The following PKN2 variants were observed in gnomAD, a reference collection of about 807,000 sequenced individuals.
The protein encoded by PKN2 is serine/threonine-protein kinase N2.
Under a neutral mutation model 119.1 loss-of-function variants are expected in PKN2, and 38 were observed. The ratio of observed to expected loss-of-function variants is 0.32; its 90% confidence interval spans 0.25 to 0.42. PKN2 has a LOEUF of 0.42. PKN2 is among the 10% of genes least tolerant of loss of function. The probability of loss-of-function intolerance (pLI) is 1.00; values close to 1 mark genes in which losing one functional copy is unlikely to be tolerated. For missense variants in PKN2, 850 were observed against 1,165.1 expected (o/e 0.73, Z 3.94); for synonymous variants, 390 against 384.9 (o/e 1.01, Z -0.15).
At position 88,827,966 on chromosome 1, in the gene PKN2, C is replaced by A. The variant is rs189589755; in HGVS notation, c.2420-515C>A. Among the ~76,000 whole-genome samples, 235 of 152,102 alleles carry A rather than the reference C, an allele frequency of 1.5e-3. 1 individual carries two copies. Among genetic ancestry groups the A allele is most frequent in the Admixed American group, 4.3e-3 (65 of 15,272 alleles). On this transcript the variant is annotated intron_variant, in intron 18 of 21. Coordinates refer to ENST00000370521, the MANE Select transcript of PKN2 (RefSeq NM_006256.4). The stretch of plus-strand genomic sequence containing the variant: ...TCTTGAACTCCTGACCTCAGGTGAT[C>A]CACCCGCCTCGGCCTCCCAAAGTGC...
intron 1 of PKN2, among the ~76,000 whole-genome samples, chr1:88,733,801 G>A (rs1668235817): frequency 6.6e-6 from 1 of 152,160 alleles, no homozygotes; most frequent in Admixed American, 6.5e-5. Flanking sequence ...CTTAGTGGTT[G>A]AGCATTCCAA....
At chr1:88,776,513 G>A (rs1670112142) in intron 6 of PKN2, among the ~76,000 whole-genome samples, 1 of 151,956 alleles carries the variant, frequency 6.6e-6, no homozygotes, top group Non-Finnish European at 1.5e-5. Flanking sequence ...GCCGAGACGG[G>A]TGGATCACTT....
At chr1:88,775,825 G>T (rs1218914637) in intron 6 of PKN2, among the ~76,000 whole-genome samples, 2 of 152,112 alleles carry the variant, frequency 1.3e-5, no homozygotes. Flanking sequence ...TTGGCTTCTG[G>T]CCAGGCGCAG....
chr1:88,690,121 T>G (rs1314682156), intron 1 of PKN2, among the ~76,000 whole-genome samples: 1 of 152,234 alleles, frequency 6.6e-6, no homozygotes, highest in Non-Finnish European at 1.5e-5. Context: ...TCTAGTATCA[T>G]GCAATTCCTA....
At chr1:88,792,806 T>G (rs1670900901) in intron 8 of PKN2, among the ~76,000 whole-genome samples, 1 of 152,192 alleles carries the variant, frequency 6.6e-6, no homozygotes, top group Non-Finnish European at 1.5e-5. Flanking sequence ...TATCAAGCAG[T>G]TCAACTTGTT....
In PKN2 at chr1:88,780,383, T is replaced by C. The variant is rs375579931; in HGVS notation, c.986-4256T>C. ...AGTTTAATAAAACATTAGGGCACCA[T>C]GAACTGAGAAAGCTTGGGAACCTCT... On this transcript the variant is annotated intron_variant, in intron 6 of 21. Transcript: ENST00000370521. Among the ~76,000 whole-genome samples the C allele has an allele frequency of 4.6e-5, 7 of 152,170 alleles. No homozygotes were observed. The East Asian group carries it at 1.3e-3, about 29-fold the overall frequency.
chr1:88,824,406 T>A lies in PKN2; in HGVS notation c.2419+20T>A. ...AAGAAGGTAATCGAATGTTTTTAAG[T>A]TTCTTTTCTGATTCAGAATTACTGT... On this transcript the variant is annotated intron_variant, in intron 18 of 21. Transcript: ENST00000370521. 7.1e-7 allele frequency: 1 copy of A among 1,404,360 alleles called. No individual in the cohort carries two copies. The allele number at this position is 1,404,360 out of a possible 1,614,324, so 87.0% of individuals were successfully genotyped here.
chr1:88,820,675 A>G (rs1008866055), intron 16 of PKN2, among the ~76,000 whole-genome samples: 3 of 152,196 alleles, frequency 2.0e-5, no homozygotes, highest in African/African-American at 7.2e-5. Context: ...AAGTGACAAG[A>G]ATTGTTATCT....
chr1:88,759,835 A>G (rs977472910), intron 2 of PKN2, among the ~76,000 whole-genome samples: 2 of 152,182 alleles, frequency 1.3e-5, no homozygotes, highest in African/African-American at 4.8e-5. Context: ...AGAACCCCTG[A>G]ACTGACCAAA....
chr1:88,686,544 T>C (rs79987468), intron 1 of PKN2, among the ~76,000 whole-genome samples: 372 of 152,188 alleles, frequency 2.4e-3, no homozygotes, highest in Admixed American at 7.2e-3. Flanking sequence ...ATATAACCCC[T>C]TCCAGAAAAA....
At chr1:88,808,374 C>T (rs1281314887) in intron 15 of PKN2, among the ~76,000 whole-genome samples, 7 of 151,962 alleles carry the variant, frequency 4.6e-5, no homozygotes, top group Non-Finnish European at 2.9e-5. Context: ...GGTGCCATCT[C>T]GGCTCACTGC....
chr1:88,816,255 T>G (rs1336519100), intron 16 of PKN2, among the ~76,000 whole-genome samples: 1 of 152,186 alleles, frequency 6.6e-6, no homozygotes, highest in Non-Finnish European at 1.5e-5. Flanking sequence ...TTTGTTTGTT[T>G]GTTTGTTTTG....
intron 1 of PKN2, among the ~76,000 whole-genome samples, chr1:88,711,411 A>G (rs1037193580): frequency 2.0e-5 from 3 of 152,148 alleles, no homozygotes; most frequent in South Asian, 2.1e-4. Context: ...ACATGTTTCT[A>G]TGTTGGAAGT....
At chr1:88,720,570 A>G (rs529982613) in intron 1 of PKN2, among the ~76,000 whole-genome samples, 2 of 152,316 alleles carry the variant, frequency 1.3e-5, no homozygotes, top group South Asian at 4.1e-4. Context: ...TCACATTTAG[A>G]GATGGAAGAA....
At chr1:88,832,607 A>ATTG (rs3835587) in intron 19 of PKN2, 137 bp from the exon 20 acceptor site, 32,136 of 575,658 alleles carry the variant, frequency 0.056, 1,894 homozygotes, top group African/African-American at 0.25. Context: ...GCATGGGTTT[A>ATTG]TTGTTGTTGT....
At chr1:88,766,144 C>T (rs201965849) in intron 3 of PKN2, among the ~76,000 whole-genome samples, 1 of 152,304 alleles carries the variant, frequency 6.6e-6, no homozygotes, top group East Asian at 1.9e-4. Context: ...TTTTCTTCAG[C>T]TACTTTTAAC....
intron 1 of PKN2, among the ~76,000 whole-genome samples, chr1:88,708,453 T>A (rs1667090295): frequency 6.6e-6 from 1 of 152,176 alleles, no homozygotes; most frequent in African/African-American, 2.4e-5. Context: ...TTTTGGAATA[T>A]ATGACTTGAT....
At chr1:88,736,819 C>T (rs997933336) in intron 1 of PKN2, among the ~76,000 whole-genome samples, 1 of 152,158 alleles carries the variant, frequency 6.6e-6, no homozygotes, top group Non-Finnish European at 1.5e-5. Context: ...ATCACTGTTT[C>T]AGCACTAGAT....
chr1:88,784,541 ATTT>A, intron 6 of PKN2, 95 bp from the exon 7 acceptor site: 1 of 605,052 alleles, frequency 1.7e-6, no homozygotes, highest in East Asian at 3.4e-5. Context: ...TTGTTACCAG[ATTT>A]TTTTTTTCTT....
Sources: gnomAD v4.1 joint callset for allele counts (sites outside exome capture counted in the v4.1 genomes callset) on GRCh38, gnomAD v4.1.1 for gene constraint, MANE v1.5 for transcripts, NCBI Gene and HGNC (gene_info 2026-07-23, HGNC 2026-07-21) for gene names.